CNTNAP2: variants seen among roughly 807,000 people sequenced by gnomAD.
CNTNAP2 encodes the protein contactin associated protein 2, also known as contactin-associated protein-like 2.
A neutral mutation model predicts 155.2 loss-of-function variants in CNTNAP2; 98 were observed. The observed-to-expected ratio is 0.63, with a 90% CI of 0.54 to 0.75. CNTNAP2 has a LOEUF of 0.75. Ranked by LOEUF, CNTNAP2 falls within the 30% of genes least tolerant of loss-of-function variation. CNTNAP2 has a pLI of 0.00. For synonymous variants in CNTNAP2, 651 were observed against 631.2 expected, an observed-to-expected ratio of 1.03 and a Z score of -0.47; for missense variants, 1,727 against 1,688.1, an observed-to-expected ratio of 1.02 and a Z score of -0.40.
At chr7:147,286,884 A>G (rs1456489727) in intron 8 of CNTNAP2, among the ~76,000 whole-genome samples, 1 of 152,018 alleles carries the variant, frequency 6.6e-6, no homozygotes, top group African/African-American at 2.4e-5. Flanking sequence ...GATGTCTCAG[A>G]TGCACTTATA....
At chr7:146,533,313 G>C (rs1253486396) in intron 1 of CNTNAP2, among the ~76,000 whole-genome samples, 2 of 151,926 alleles carry the variant, frequency 1.3e-5, no homozygotes, top group Non-Finnish European at 2.9e-5. Flanking sequence ...TCTACCTATA[G>C]GCTAATGTCT....
intron 10 of CNTNAP2, among the ~76,000 whole-genome samples, chr7:147,398,193 C>T (rs1288331069): frequency 6.6e-6 from 1 of 151,844 alleles, no homozygotes; most frequent in African/African-American, 2.4e-5. Context: ...TTAGTCTGTC[C>T]TCATAGAGCA....
intron 8 of CNTNAP2, among the ~76,000 whole-genome samples, chr7:147,178,640 T>C (rs1442891173): frequency 6.6e-6 from 1 of 152,188 alleles, no homozygotes; most frequent in South Asian, 2.1e-4. Context: ...GCCCTAGGAA[T>C]GGCTACCCTG....
At chr7:146,963,696 GT>G (rs1797600798) in intron 3 of CNTNAP2, among the ~76,000 whole-genome samples, 1 of 151,888 alleles carries the variant, frequency 6.6e-6, no homozygotes, top group African/African-American at 2.4e-5. Flanking sequence ...AAATTTCATA[GT>G]GTTGAAAAAT....
intron 9 of CNTNAP2, among the ~76,000 whole-genome samples, chr7:147,303,956 C>T (rs1428945385): frequency 2.6e-5 from 4 of 152,208 alleles, no homozygotes; most frequent in African/African-American, 9.6e-5. Context: ...TTCCTGCTCA[C>T]TGAAAGCCTC....
At chr7:146,126,565 T>C (rs1424236506) in intron 1 of CNTNAP2, among the ~76,000 whole-genome samples, 1 of 152,230 alleles carries the variant, frequency 6.6e-6, no homozygotes, top group East Asian at 1.9e-4. Flanking sequence ...AAATATTTCT[T>C]AAAATGCTTT....
At chr7:148,326,435 T>C (rs965667897) in intron 21 of CNTNAP2, among the ~76,000 whole-genome samples, 12 of 152,190 alleles carry the variant, frequency 7.9e-5, no homozygotes, top group African/African-American at 2.9e-4. Flanking sequence ...GGGTCTCTCT[T>C]CGTTACCATC....
intron 1 of CNTNAP2, among the ~76,000 whole-genome samples, chr7:146,313,405 G>C (rs534519875): frequency 6.6e-6 from 1 of 152,114 alleles, no homozygotes; most frequent in African/African-American, 2.4e-5. Flanking sequence ...TAATTGGGTT[G>C]TTTTCTTGTC....
intron 1 of CNTNAP2, among the ~76,000 whole-genome samples, chr7:146,134,121 G>A (rs933270233): frequency 6.6e-6 from 1 of 150,816 alleles, no homozygotes; most frequent in Non-Finnish European, 1.5e-5. Context: ...CCTTGAAGAG[G>A]TCCTTCACAT....
rs201754908 is a variant in CNTNAP2 at position 147,482,562 on chromosome 7, C to CA, written c.1671-3366dup. On this transcript the variant is annotated intron_variant, in intron 10 of 23. Coordinates refer to ENST00000361727, the MANE Select transcript of CNTNAP2 (RefSeq NM_014141.6). ...TGAAACCCCGTCCCTACAAAAAATA[C>CA]AAAAAAATATTAGCCGGGCGTGGTG... Among the ~76,000 whole-genome samples, 184 of 151,576 alleles carry CA rather than the reference C, an allele frequency of 1.2e-3. 1 individual carries two copies. In the East Asian group the frequency reaches 0.024, roughly 20 times the overall value.
chr7:148,361,332 C>T (rs909415017), intron 21 of CNTNAP2, among the ~76,000 whole-genome samples: 4 of 152,264 alleles, frequency 2.6e-5, no homozygotes, highest in African/African-American at 7.2e-5. Context: ...CGGGATTACA[C>T]GCAGTCTTCA....
intron 12 of CNTNAP2, among the ~76,000 whole-genome samples, chr7:147,621,592 T>C (rs1300545777): frequency 6.6e-6 from 1 of 151,998 alleles, no homozygotes; most frequent in African/African-American, 2.4e-5. Flanking sequence ...TGTTATAAGA[T>C]AGTATTTGGA....
chr7:147,103,199 G>C (rs975701504), intron 4 of CNTNAP2, among the ~76,000 whole-genome samples: 1 of 152,080 alleles, frequency 6.6e-6, no homozygotes, highest in African/African-American at 2.4e-5. Flanking sequence ...CTGGGCTTTA[G>C]AATGGAACAA....
intron 20 of CNTNAP2, among the ~76,000 whole-genome samples, chr7:148,233,729 G>C (rs1796001569): frequency 6.6e-6 from 1 of 152,166 alleles, no homozygotes. Flanking sequence ...AAAACTTTAT[G>C]AAGTATGTGC....
chr7:146,434,412 G>A (rs1014681854), intron 1 of CNTNAP2, among the ~76,000 whole-genome samples: 2 of 152,134 alleles, frequency 1.3e-5, no homozygotes, highest in African/African-American at 4.8e-5. Flanking sequence ...TGGATCCACA[G>A]GCTAATTTTC....
intron 4 of CNTNAP2, among the ~76,000 whole-genome samples, chr7:147,105,078 T>C (rs900408794): frequency 6.6e-6 from 1 of 151,294 alleles, no homozygotes; most frequent in East Asian, 1.9e-4. Flanking sequence ...TTTTGATCAA[T>C]AGACATAGTT....
intron 3 of CNTNAP2, among the ~76,000 whole-genome samples, chr7:146,921,449 C>T (rs1436002819): frequency 1.3e-5 from 2 of 152,064 alleles, no homozygotes; most frequent in Non-Finnish European, 2.9e-5. Context: ...TATTAGTTCT[C>T]ATGCGGCTAA....
intron 2 of CNTNAP2, among the ~76,000 whole-genome samples, chr7:146,834,081 AT>A (rs914503344): frequency 1.3e-5 from 2 of 151,018 alleles, no homozygotes; most frequent in South Asian, 2.1e-4. Context: ...CCCTAATTGA[AT>A]TTTTTTTTCA....
intron 21 of CNTNAP2, among the ~76,000 whole-genome samples, chr7:148,315,652 G>A (rs1797674671): frequency 6.6e-6 from 1 of 152,198 alleles, no homozygotes; most frequent in African/African-American, 2.4e-5. Flanking sequence ...AGACAGAATA[G>A]TAGCAGGAAT....
Sources: allele counts gnomAD v4.1 joint callset (sites outside exome capture counted in the v4.1 genomes callset), GRCh38; gene constraint gnomAD v4.1.1; transcripts MANE v1.5; gene names NCBI Gene and HGNC (gene_info 2026-07-23, HGNC 2026-07-21).